Variants in CATSPERB observed in about 807,000 individuals in gnomAD.
CATSPERB encodes the protein cation channel sperm-associated auxiliary subunit beta.
A neutral mutation model predicts 128.3 loss-of-function variants in CATSPERB; 93 were observed. The ratio of observed to expected loss-of-function variants is 0.72; its 90% CI spans 0.61 to 0.86. The LOEUF is 0.86. Ranked by LOEUF, CATSPERB falls within the 40% of genes least tolerant of loss-of-function variation. CATSPERB has a pLI of 0.00. For synonymous variants in CATSPERB, 381 were observed against 448.8 expected, an observed-to-expected ratio of 0.85 and a Z score of 1.91; for missense variants, 1,153 against 1,329.5, an observed-to-expected ratio of 0.87 and a Z score of 2.06.
At chr14:91,589,479 C>T in intron 24 of CATSPERB, 55 bp downstream of exon 24, 1 of 1,529,820 alleles carries the variant, frequency 6.5e-7, no homozygotes, top group Non-Finnish European at 8.9e-7. Flanking sequence ...TCTTTGTAAA[C>T]CAGTAACAAT....
At chr14:91,608,259 A>G (rs753071709) in intron 22 of CATSPERB, 35 bp downstream of exon 22, 5 of 1,270,950 alleles carry the variant, frequency 3.9e-6, no homozygotes, top group Non-Finnish European at 5.7e-6. Context: ...CTGAATTCAA[A>G]TAAGTGCTAG....
rs1896130542 is a variant in CATSPERB at position 91,727,099 on chromosome 14, CA to C, written c.80-1932del. ...TATCTTAATTACAACAATTACAATG[CA>C]AAAGTGTTTTAAAATTTCAAATGCT... On this transcript the variant is annotated intron_variant, in intron 2 of 26. Transcript: ENST00000256343. Among the ~76,000 whole-genome samples, 4 of 152,288 alleles carry C rather than the reference CA, an allele frequency of 2.6e-5. No homozygotes were observed. In the South Asian group the frequency reaches 8.3e-4, roughly 32 times the overall value.
At chr14:91,607,080 T>G (rs1245714626) in intron 22 of CATSPERB, among the ~76,000 whole-genome samples, 1 of 33,370 alleles carries the variant, frequency 3.0e-5, no homozygotes. Flanking sequence ...TGTGTGTGTG[T>G]GGGCGGGGGG....
intron 6 of CATSPERB, among the ~76,000 whole-genome samples, chr14:91,705,867 T>G (rs1001300792): frequency 2.6e-5 from 4 of 152,166 alleles, no homozygotes; most frequent in Non-Finnish European, 4.4e-5. Context: ...TTTTAAAACT[T>G]AAAATATTAC....
At chr14:91,652,625 C>A (rs1369158324) in intron 15 of CATSPERB, among the ~76,000 whole-genome samples, 1 of 119,966 alleles carries the variant, frequency 8.3e-6, no homozygotes, top group African/African-American at 3.2e-5. Flanking sequence ...GAGCTGAGAT[C>A]ATACCACTGC....
At chr14:91,613,765 C>G (rs1893881404) in intron 20 of CATSPERB, among the ~76,000 whole-genome samples, 1 of 152,148 alleles carries the variant, frequency 6.6e-6, no homozygotes, top group Non-Finnish European at 1.5e-5. Flanking sequence ...ATGACAAGCA[C>G]CGCACTCCTC....
At chr14:91,688,756 G>A (rs932929764) in intron 10 of CATSPERB, among the ~76,000 whole-genome samples, 9 of 152,142 alleles carry the variant, frequency 5.9e-5, no homozygotes, top group African/African-American at 2.2e-4. Context: ...GTCCCAGGAA[G>A]TATTTTTATG....
intron 22 of CATSPERB, among the ~76,000 whole-genome samples, chr14:91,601,685 T>G (rs975042634): frequency 1.3e-5 from 2 of 152,152 alleles, no homozygotes; most frequent in Admixed American, 6.5e-5. Context: ...GTAGATCACA[T>G]TGATAAATCA....
At chr14:91,626,461 T>C (rs1894164026) in intron 17 of CATSPERB, among the ~76,000 whole-genome samples, 1 of 147,670 alleles carries the variant, frequency 6.8e-6, no homozygotes, top group East Asian at 2.1e-4. Flanking sequence ...GAGGTGGGAC[T>C]TTTAAGGGGT....
In CATSPERB at chr14:91,598,205, C is replaced by CT. The variant is rs200284971; in HGVS notation, c.2710-6204dup. On this transcript the variant is annotated intron_variant, in intron 22 of 26. Coordinates refer to ENST00000256343, the MANE Select transcript of CATSPERB (RefSeq NM_024764.4). Reference sequence around the variant, plus strand: ...AAATAAAACCTCTTTATTTTTATAACTTTTTTTACATCTTTTTTTATTCCT... The same window carrying CT: ...AAATAAAACCTCTTTATTTTTATAACTTTTTTTTACATCTTTTTTTATTCCT... Among the ~76,000 whole-genome samples, 240 of 151,666 alleles carry CT rather than the reference C, an allele frequency of 1.6e-3. 8 individuals carry two copies. In the East Asian group the frequency reaches 0.022, roughly 14 times the overall value.
intron 18 of CATSPERB, among the ~76,000 whole-genome samples, chr14:91,623,482 T>C (rs1044976541): frequency 9.2e-5 from 14 of 152,330 alleles, no homozygotes; most frequent in African/African-American, 3.4e-4. Flanking sequence ...CTTATAGCAT[T>C]AACTATCATA....
At chr14:91,588,180 T>G in intron 24 of CATSPERB, 102 bp from the exon 25 acceptor site, 1 of 689,376 alleles carries the variant, frequency 1.5e-6, no homozygotes, top group Non-Finnish European at 2.5e-6. Flanking sequence ...TTTAATTTAC[T>G]ATTACTATTT....
chr14:91,656,110 A>T (rs1441428243), intron 15 of CATSPERB, among the ~76,000 whole-genome samples: 1 of 152,150 alleles, frequency 6.6e-6, no homozygotes, highest in East Asian at 1.9e-4. Flanking sequence ...ATGAAAAAGA[A>T]ATATTTTCTG....
chr14:91,613,257 C>G (rs193295673), intron 20 of CATSPERB, among the ~76,000 whole-genome samples: 122 of 152,082 alleles, frequency 8.0e-4, no homozygotes, highest in Non-Finnish European at 1.5e-3. Flanking sequence ...ACAAAAGTAG[C>G]ACAATCTTGA....
rs773657724 is a variant in CATSPERB, at chr14:91,670,504, C to T, written c.1129-532G>A. Among the ~76,000 whole-genome samples, 113 of 151,586 alleles carry T rather than the reference C, an allele frequency of 7.5e-4. 2 individuals are homozygous for T. The highest frequency in any genetic ancestry group is 4.9e-4 in the Non-Finnish European group (33 of 67,934). Reference sequence around the variant, plus strand: ...AACAGCCTGGTCAACAAAGTGAGACCCAGTTGCATTAAAAAAAAAAATTAA... The same window carrying T: ...AACAGCCTGGTCAACAAAGTGAGACTCAGTTGCATTAAAAAAAAAAATTAA... On this transcript the variant is annotated intron_variant, in intron 13 of 26. Transcript: ENST00000256343.
intron 19 of CATSPERB, among the ~76,000 whole-genome samples, chr14:91,618,322 A>G (rs1893982733): frequency 6.6e-6 from 1 of 152,164 alleles, no homozygotes; most frequent in South Asian, 2.1e-4. Context: ...CTAACCTCGT[A>G]TCTCATCCTG....
At chr14:91,605,247 T>C (rs1182507372) in intron 22 of CATSPERB, 1 of 1,459,200 alleles carries the variant, frequency 6.9e-7, no homozygotes, top group African/African-American at 1.4e-5. Flanking sequence ...ATCACAGGTG[T>C]AAGTGAAGAG....
At chr14:91,699,351 TC>T (rs964913519) in intron 7 of CATSPERB, among the ~76,000 whole-genome samples, 6 of 152,000 alleles carry the variant, frequency 3.9e-5, no homozygotes, top group Admixed American at 1.3e-4. Flanking sequence ...TTCCCCCACA[TC>T]CATACTGCCC....
chr14:91,636,602 A>G (rs370305949), intron 16 of CATSPERB, 23 bp from the exon 17 acceptor site: 1 of 1,582,660 alleles, frequency 6.3e-7, no homozygotes, highest in African/African-American at 1.4e-5. Flanking sequence ...AAAAGAAAAT[A>G]TTATATTTAA....
Sources: gnomAD v4.1 joint callset for allele counts (sites outside exome capture counted in the v4.1 genomes callset) on GRCh38, gnomAD v4.1.1 for gene constraint, MANE v1.5 for transcripts, NCBI Gene and HGNC (gene_info 2026-07-23, HGNC 2026-07-21) for gene names.